Variants in MEMO1 observed in about 807,000 individuals in gnomAD.
The protein encoded by MEMO1 is protein MEMO1.
In MEMO1, 6 loss-of-function variants were observed where a neutral mutation model predicts 45.2. That is an observed-to-expected ratio of 0.13 (90% CI 0.07 to 0.26). The LOEUF is 0.26. Among genes scored for constraint, MEMO1 ranks in the 10% least tolerant of loss-of-function variants. The pLI is 1.00. For synonymous variants in MEMO1, 78 were observed against 124.3 expected (o/e 0.63, Z 2.48); for missense variants, 184 against 370.5 (o/e 0.50, Z 4.13).
chr2:31,925,495 A>AAAAAAAAAAAAAAAAAAAAC (rs1682966999), intron 4 of MEMO1, among the ~76,000 whole-genome samples: 1 of 141,146 alleles, frequency 7.1e-6, no homozygotes, highest in Non-Finnish European at 1.6e-5. Flanking sequence ...AAAAAAAAAA[A>AAAAAAAAAAAAAAAAAAAAC]AAAATCTGTT....
chr2:31,959,633 T>C (rs1273926441), intron 2 of MEMO1, among the ~76,000 whole-genome samples: 1 of 151,714 alleles, frequency 6.6e-6, no homozygotes, highest in Non-Finnish European at 1.5e-5. Context: ...TACAAGAAAA[T>C]GGAGAAAGCA....
At chr2:31,896,882 A>G (rs961364487) in intron 6 of MEMO1, among the ~76,000 whole-genome samples, 5 of 151,932 alleles carry the variant, frequency 3.3e-5, no homozygotes, top group Non-Finnish European at 5.9e-5. Context: ...ATACAAATGG[A>G]TAATCAGCAC....
chr2:31,876,139 T>A (rs1257945774), intron 8 of MEMO1, among the ~76,000 whole-genome samples: 1 of 152,220 alleles, frequency 6.6e-6, no homozygotes, highest in Non-Finnish European at 1.5e-5. Context: ...ATCAGCTCCC[T>A]GCCTCTTTTA....
intron 9 of MEMO1, among the ~76,000 whole-genome samples, chr2:31,869,011 T>C (rs1419054000): frequency 2.6e-5 from 4 of 152,218 alleles, no homozygotes; most frequent in Non-Finnish European, 4.4e-5. Flanking sequence ...CAGTTTATTC[T>C]AGCTTCAATT....
intron 4 of MEMO1, among the ~76,000 whole-genome samples, chr2:31,929,953 C>G (rs1683700118): frequency 6.6e-6 from 1 of 152,184 alleles, no homozygotes; most frequent in Non-Finnish European, 1.5e-5. Flanking sequence ...TTATTATATA[C>G]TAATTACAAA....
At chr2:31,956,279 A>G (rs1030399922) in intron 2 of MEMO1, among the ~76,000 whole-genome samples, 2 of 152,188 alleles carry the variant, frequency 1.3e-5, no homozygotes, top group African/African-American at 4.8e-5. Context: ...GCCTGACTGG[A>G]AAGAATCAGG....
At chr2:31,938,299 C>G (rs1665166506) in intron 3 of MEMO1, among the ~76,000 whole-genome samples, 1 of 151,768 alleles carries the variant, frequency 6.6e-6, no homozygotes, top group South Asian at 2.1e-4. Flanking sequence ...TATCCAGGTT[C>G]TGAGTTTATT....
intron 2 of MEMO1, among the ~76,000 whole-genome samples, chr2:31,999,003 G>C (rs1472263011): frequency 1.3e-5 from 2 of 152,072 alleles, no homozygotes; most frequent in Non-Finnish European, 2.9e-5. Context: ...CAGTATAATA[G>C]CAACTCCATC....
At chr2:31,959,785 AT>A (rs35268689) in intron 2 of MEMO1, among the ~76,000 whole-genome samples, 147,119 of 152,306 alleles carry the variant, frequency 0.97, 71,140 homozygotes, top group Middle Eastern at 1. Context: ...CAGCAATTGT[AT>A]TTTTTATACC....
chr2:31,963,113 C>CT (rs1307982299), intron 2 of MEMO1: 3 of 1,466,418 alleles, frequency 2.0e-6, no homozygotes, highest in African/African-American at 1.4e-5. Context: ...TCCTCAGTCT[C>CT]TAACTACACC....
intron 7 of MEMO1, among the ~76,000 whole-genome samples, chr2:31,891,403 G>A (rs565629090): frequency 6.6e-6 from 1 of 152,022 alleles, no homozygotes; most frequent in South Asian, 2.1e-4. Flanking sequence ...ACGTGTCCTT[G>A]CTCTTACAAT....
At chr2:31,929,187 AAAAAT>A (rs1158358834) in intron 4 of MEMO1, among the ~76,000 whole-genome samples, 1 of 152,106 alleles carries the variant, frequency 6.6e-6, no homozygotes, top group African/African-American at 2.4e-5. Flanking sequence ...CATTTTTTTG[AAAAAT>A]AAAACATATT....
intron 2 of MEMO1, among the ~76,000 whole-genome samples, chr2:31,980,581 T>C (rs1670520952): frequency 6.6e-6 from 1 of 152,208 alleles, no homozygotes; most frequent in Non-Finnish European, 1.5e-5. Context: ...ATAATTAGAA[T>C]AAAACACAAA....
intron 6 of MEMO1, among the ~76,000 whole-genome samples, chr2:31,893,035 G>C (rs1421603655): frequency 6.6e-6 from 1 of 151,958 alleles, no homozygotes; most frequent in African/African-American, 2.4e-5. Context: ...TGTCTGATTT[G>C]TTCTCAACAG....
At chr2:31,984,151 C>T (rs750654527) in intron 2 of MEMO1, among the ~76,000 whole-genome samples, 4 of 152,136 alleles carry the variant, frequency 2.6e-5, no homozygotes, top group South Asian at 4.1e-4. Context: ...GAACAGAATA[C>T]GGCAAAAGGA....
At chr2:31,888,140 A>G (rs1472656490) in intron 7 of MEMO1, among the ~76,000 whole-genome samples, 1 of 152,142 alleles carries the variant, frequency 6.6e-6, no homozygotes, top group Non-Finnish European at 1.5e-5. Flanking sequence ...TAAAACCACC[A>G]TAAAAGGCAA....
At chr2:31,882,018 G>A (rs919907574) in intron 8 of MEMO1, among the ~76,000 whole-genome samples, 6 of 152,140 alleles carry the variant, frequency 3.9e-5, no homozygotes, top group African/African-American at 9.6e-5. Context: ...GGTGGTAGGC[G>A]CCTGTGTCCC....
chr2:31,881,430 G>A (rs867294852), intron 8 of MEMO1, among the ~76,000 whole-genome samples: 4 of 148,460 alleles, frequency 2.7e-5, no homozygotes, highest in African/African-American at 9.9e-5. Context: ...GGGAGGTTGA[G>A]GCAGCAGTGA....
intron 6 of MEMO1, among the ~76,000 whole-genome samples, chr2:31,906,161 G>A (rs947573711): frequency 1.6e-4 from 24 of 151,854 alleles, no homozygotes; most frequent in Non-Finnish European, 2.5e-4. Flanking sequence ...TAGTAGAGAT[G>A]GGGTTTTACT....
Sources: allele counts gnomAD v4.1 joint callset (sites outside exome capture counted in the v4.1 genomes callset), GRCh38; gene constraint gnomAD v4.1.1; transcripts MANE v1.5; gene names NCBI Gene and HGNC (gene_info 2026-07-23, HGNC 2026-07-21).